The following NR2C2 variants were observed in gnomAD, a reference collection of about 807,000 sequenced individuals.
NR2C2 encodes nuclear receptor subfamily 2 group C member 2.
A neutral mutation model predicts 62.9 loss-of-function variants in NR2C2; 6 were observed. That is an observed-to-expected ratio of 0.10 (90% CI 0.05 to 0.19). NR2C2 has a LOEUF of 0.19. Among genes scored for constraint, NR2C2 ranks in the 10% least tolerant of loss-of-function variants. The probability of loss-of-function intolerance (pLI) is 1.00; values close to 1 mark genes in which losing one functional copy is unlikely to be tolerated. For missense variants in NR2C2, 479 were observed against 762.7 expected (o/e 0.63, Z 4.38); for synonymous variants, 272 against 273.8 (o/e 0.99, Z 0.07).
At chr3:14,956,608 A>G (rs775085123) in intron 1 of NR2C2, among the ~76,000 whole-genome samples, 5 of 152,078 alleles carry the variant, frequency 3.3e-5, no homozygotes, top group Admixed American at 6.6e-5. Flanking sequence ...CAGTGGCTCA[A>G]TCTCAGCTCA....
chr3:15,035,076 G>A (rs892795128), intron 11 of NR2C2, among the ~76,000 whole-genome samples: 2 of 152,270 alleles, frequency 1.3e-5, no homozygotes, highest in Middle Eastern at 3.4e-3. Context: ...AGGATCACTT[G>A]AGCCCAGGAG....
chr3:15,002,223 G>T, intron 1 of NR2C2, among the ~76,000 whole-genome samples: 1 of 152,108 alleles, frequency 6.6e-6, no homozygotes, highest in African/African-American at 2.4e-5. Flanking sequence ...ATTTTATAGA[G>T]ACCCTTTATC....
chr3:14,986,457 G>A (rs1465744707), intron 1 of NR2C2, among the ~76,000 whole-genome samples: 2 of 152,084 alleles, frequency 1.3e-5, no homozygotes, highest in Non-Finnish European at 2.9e-5. Flanking sequence ...TGATAAAAAC[G>A]GTTGACAGGA....
At chr3:15,006,846 G>T (rs1438094122) in intron 2 of NR2C2, among the ~76,000 whole-genome samples, 5 of 151,324 alleles carry the variant, frequency 3.3e-5, no homozygotes, top group African/African-American at 1.2e-4. Flanking sequence ...CACAGTGTTG[G>T]CTCACTGCAA....
intron 11 of NR2C2, among the ~76,000 whole-genome samples, chr3:15,037,126 A>C (rs1203442443): frequency 6.6e-6 from 1 of 151,538 alleles, no homozygotes; most frequent in East Asian, 1.9e-4. Context: ...AAAAAAAAAA[A>C]CCCCTTACAA....
chr3:14,991,850 G>A (rs1294122102), intron 1 of NR2C2, among the ~76,000 whole-genome samples: 1 of 145,752 alleles, frequency 6.9e-6, no homozygotes, highest in Non-Finnish European at 1.5e-5. Flanking sequence ...TGTCACTGTA[G>A]CCTCAAACTC....
chr3:15,018,745 G>A (rs939665490), intron 4 of NR2C2, among the ~76,000 whole-genome samples: 4 of 151,800 alleles, frequency 2.6e-5, no homozygotes, highest in South Asian at 2.1e-4. Flanking sequence ...GGCAGGGTGC[G>A]GTGTCTCACA....
At chr3:15,019,772 T>C (rs1391315870) in intron 4 of NR2C2, among the ~76,000 whole-genome samples, 1 of 151,952 alleles carries the variant, frequency 6.6e-6, no homozygotes, top group African/African-American at 2.4e-5. Flanking sequence ...AAGTGAGAGA[T>C]AGTTGGGAAA....
At chr3:15,012,924 C>T (rs1306187205) in intron 2 of NR2C2, among the ~76,000 whole-genome samples, 1 of 152,216 alleles carries the variant, frequency 6.6e-6, no homozygotes, top group Non-Finnish European at 1.5e-5. Context: ...GTCAAGACTT[C>T]TCCAGAGTCA....
chr3:14,958,132 CT>C (rs2039580459), intron 1 of NR2C2, among the ~76,000 whole-genome samples: 1 of 152,172 alleles, frequency 6.6e-6, no homozygotes. Context: ...CCCTGGGACA[CT>C]CATAGCATTT....
At chr3:14,960,457 T>C (rs1315475513) in intron 1 of NR2C2, among the ~76,000 whole-genome samples, 1 of 152,192 alleles carries the variant, frequency 6.6e-6, no homozygotes, top group African/African-American at 2.4e-5. Flanking sequence ...ATTACAGAAA[T>C]AATTCTGTAC....
chr3:15,027,737 A>G (rs562753635), intron 7 of NR2C2, among the ~76,000 whole-genome samples: 65 of 152,176 alleles, frequency 4.3e-4, no homozygotes, highest in Non-Finnish European at 8.8e-4. Flanking sequence ...AGCTGGGACC[A>G]CAGGCACACA....
chr3:15,009,975 GGCCCACCCTAATGC>G (rs2041303680), intron 2 of NR2C2, among the ~76,000 whole-genome samples: 1 of 152,030 alleles, frequency 6.6e-6, no homozygotes, highest in Admixed American at 6.6e-5. Flanking sequence ...ATTGAATTAG[GGCCCACCCTAATGC>G]AGTATTACCT....
chr3:14,982,115 A>G (rs1030260788), intron 1 of NR2C2, among the ~76,000 whole-genome samples: 1 of 152,200 alleles, frequency 6.6e-6, no homozygotes, highest in Non-Finnish European at 1.5e-5. Flanking sequence ...CGCCCAGGCT[A>G]TAGTACAACG....
intron 1 of NR2C2, among the ~76,000 whole-genome samples, chr3:14,960,538 C>T (rs2039662366): frequency 6.6e-6 from 1 of 152,128 alleles, no homozygotes; most frequent in African/African-American, 2.4e-5. Flanking sequence ...ATCAAGCCAC[C>T]TCTTTTAGGG....
chr3:15,004,524 C>T (rs7617628), intron 2 of NR2C2: 25 of 1,587,520 alleles, frequency 1.6e-5, no homozygotes, highest in Admixed American at 7.0e-5. Context: ...ATTAACTAAT[C>T]GATATTCACT....
chr3:15,027,351 T>C (rs1200623237), intron 7 of NR2C2, among the ~76,000 whole-genome samples: 4 of 152,260 alleles, frequency 2.6e-5, no homozygotes, highest in East Asian at 1.9e-4. Context: ...CATTAGTCAA[T>C]TGATGGACAT....
At position 15,049,252 on chromosome 3, in the gene NR2C2, T is replaced by C. The variant is rs1188718157; in HGVS notation, c.*6244T>C. Reference sequence around the variant, plus strand: ...TACTACCTAAATGAGGTTTATACTATTAAAAGTGAATTAAAGACTAACATG... The same window carrying C: ...TACTACCTAAATGAGGTTTATACTACTAAAAGTGAATTAAAGACTAACATG... On this transcript the variant is annotated 3_prime_UTR_variant, in exon 14 of 14. Transcript: ENST00000425241. 1 of 152,754 alleles carries C rather than the reference T, an allele frequency of 6.5e-6. No individual in the cohort carries two copies. The highest frequency in any genetic ancestry group is 2.4e-5 in the African/African-American group (1 of 41,458). 9.5% of individuals were successfully genotyped at this position (152,754 alleles called of 1,614,324 possible).
At chr3:15,034,553 A>T in intron 10 of NR2C2, 117 bp from the exon 11 acceptor site, 1 of 1,042,940 alleles carries the variant, frequency 9.6e-7, no homozygotes, top group Non-Finnish European at 1.4e-6. Context: ...TAGCACTTCA[A>T]TAAACACTTG....
Sources: gnomAD v4.1 joint callset for allele counts (sites outside exome capture counted in the v4.1 genomes callset) on GRCh38, gnomAD v4.1.1 for gene constraint, MANE v1.5 for transcripts, NCBI Gene and HGNC (gene_info 2026-07-23, HGNC 2026-07-21) for gene names.